ABCA1: variants seen among roughly 807,000 people sequenced by gnomAD.
The protein encoded by ABCA1 is phospholipid-transporting ATPase ABCA1.
ABCA1 carries 133 observed loss-of-function variants against 262.5 expected under a neutral mutation model. That is an observed-to-expected ratio of 0.51 (90% confidence interval 0.44 to 0.59). The LOEUF (loss-of-function observed/expected upper bound fraction) is 0.59. ABCA1 is among the 20% of genes least tolerant of loss of function. ABCA1 has a pLI of 0.00. For missense variants in ABCA1, 2,452 were observed against 2,777.5 expected, an observed-to-expected ratio of 0.88 and a Z score of 2.63; for synonymous variants, 1,022 against 1,043.5, an observed-to-expected ratio of 0.98 and a Z score of 0.40.
rs1052291731 is a variant in ABCA1, at chr9:104,788,586, C to G, written c.5928-19G>C. On this transcript the variant is annotated intron_variant, in intron 44 of 49. Transcript: ENST00000374736. ...TAAGATACTGCAAAGGACAAGAAAACTACTTAGATTTTAAGCAGGTAGAGA... is the reference window on the plus strand; with the variant it reads ...TAAGATACTGCAAAGGACAAGAAAAGTACTTAGATTTTAAGCAGGTAGAGA... The G allele has an allele frequency of 6.2e-7, 1 of 1,613,874 alleles. No individual in the cohort carries two copies. Among genetic ancestry groups the G allele is most frequent in the Non-Finnish European group, 8.5e-7 (1 of 1,179,956 alleles).
intron 1 of ABCA1, among the ~76,000 whole-genome samples, chr9:104,924,168 C>T (rs936112610): frequency 6.6e-6 from 1 of 152,144 alleles, no homozygotes; most frequent in Non-Finnish European, 1.5e-5. Context: ...CATGCAGATA[C>T]GAAGATGGTT....
chr9:104,815,767 C>G (rs3780540), intron 25 of ABCA1, among the ~76,000 whole-genome samples: 8,871 of 152,208 alleles, frequency 0.058, 388 homozygotes, highest in East Asian at 0.16. Context: ...TGAGCTGGGC[C>G]CAAGTTGCTG....
At chr9:104,861,601 G>A in intron 6 of ABCA1, 78 bp downstream of exon 6, 4 of 1,581,820 alleles carry the variant, frequency 2.5e-6, no homozygotes, top group East Asian at 2.2e-5. Context: ...AAGGACAAGG[G>A]TTTATTCATT....
intron 1 of ABCA1, among the ~76,000 whole-genome samples, chr9:104,921,083 T>A (rs1358901117): frequency 5.8e-5 from 2 of 34,290 alleles, no homozygotes; most frequent in East Asian, 6.7e-4. Flanking sequence ...ACTAATATTC[T>A]ATTTACTTAT....
At chr9:104,830,845 A>C in intron 14 of ABCA1, 80 bp downstream of exon 14, 2 of 1,485,650 alleles carry the variant, frequency 1.3e-6, no homozygotes, top group Non-Finnish European at 9.4e-7. Flanking sequence ...TCACACATGC[A>C]TGCACATGCA....
At chr9:104,847,693 T>C (rs960534771) in intron 7 of ABCA1, among the ~76,000 whole-genome samples, 1 of 152,204 alleles carries the variant, frequency 6.6e-6, no homozygotes, top group Non-Finnish European at 1.5e-5. Context: ...TGTCTCTAAT[T>C]GTATAATTAC....
At chr9:104,923,653 C>G (rs1168058336) in intron 1 of ABCA1, among the ~76,000 whole-genome samples, 1 of 152,226 alleles carries the variant, frequency 6.6e-6, no homozygotes, top group Non-Finnish European at 1.5e-5. Flanking sequence ...TTAGCTCTGC[C>G]TCTTGCAAGG....
intron 11 of ABCA1, among the ~76,000 whole-genome samples, chr9:104,833,865 C>T (rs1413631499): frequency 1.3e-5 from 2 of 152,162 alleles, no homozygotes; most frequent in East Asian, 1.9e-4. Context: ...CAGATCAATC[C>T]GCTGCTCAAT....
In ABCA1 at chr9:104,893,421, C is replaced by CAAAAAAAAAAAAAAAAAAAAAAAAAAAAA. The variant is rs34544647; in HGVS notation, c.67-4255_67-4227dup. Among the ~76,000 whole-genome samples, 7 of 35,264 alleles carry CAAAAAAAAAAAAAAAAAAAAAAAAAAAAA rather than the reference C, an allele frequency of 2.0e-4. 1 individual carries two copies. The highest frequency in any genetic ancestry group is 5.6e-4 in the African/African-American group (6 of 10,774). The allele number at this position is 35,264 out of a possible 152,430, so 23.1% of individuals were successfully genotyped here. A position where few individuals can be genotyped will look rare whatever the true frequency, so the allele number is the denominator to read the frequency against. ...TGGGCAACAGAGTGAGACTTCACCT[C>CAAAAAAAAAAAAAAAAAAAAAAAAAAAAA]AAAAAAAAAAAAAAAAAAAAAAAAA... is the stretch of plus-strand genomic sequence containing the variant. On this transcript the variant is annotated intron_variant, in intron 2 of 49. Coordinates refer to ENST00000374736, the MANE Select transcript of ABCA1 (RefSeq NM_005502.4).
At chr9:104,802,816 G>C (rs757341226) in intron 33 of ABCA1, among the ~76,000 whole-genome samples, 35 of 152,214 alleles carry the variant, frequency 2.3e-4, no homozygotes, top group Non-Finnish European at 4.1e-4. Context: ...ACAGTGCAAA[G>C]AGATGGTTTT....
intron 5 of ABCA1, among the ~76,000 whole-genome samples, chr9:104,879,435 G>A (rs1405541089): frequency 6.6e-6 from 1 of 152,206 alleles, no homozygotes; most frequent in African/African-American, 2.4e-5. Flanking sequence ...AGTTATCGAT[G>A]ACTGGAATGA....
chr9:104,889,406 A>G (rs1839510611), intron 2 of ABCA1: 1 of 982,116 alleles, frequency 1.0e-6, no homozygotes, highest in South Asian at 4.7e-5. Flanking sequence ...CCCTTAGGTA[A>G]GGGAAGATGC....
intron 11 of ABCA1, among the ~76,000 whole-genome samples, chr9:104,833,588 A>G (rs1398987020): frequency 6.6e-6 from 1 of 152,188 alleles, no homozygotes; most frequent in Non-Finnish European, 1.5e-5. Flanking sequence ...CCAGAATGAA[A>G]GCATAGGCCC....
chr9:104,887,099 A>G (rs13286991), intron 3 of ABCA1, among the ~76,000 whole-genome samples: 23,898 of 152,146 alleles, frequency 0.16, 2,301 homozygotes, highest in African/African-American at 0.27. Context: ...TCAACATGGC[A>G]AAACCCTGTC....
rs541162256 is a variant in ABCA1, at chr9:104,858,347, G to T, written c.720+175C>A. Among the ~76,000 whole-genome samples the T allele has an allele frequency of 2.0e-5, 3 of 152,194 alleles. No homozygotes were observed. In the South Asian group the frequency reaches 6.2e-4, roughly 32 times the overall value. On this transcript the variant is annotated intron_variant, in intron 7 of 49. Coordinates refer to ENST00000374736, the MANE Select transcript of ABCA1 (RefSeq NM_005502.4). The stretch of plus-strand genomic sequence containing the variant: ...CTTCCCATTCACCCTTTGGGAGATG[G>T]CCCAAAAGTCTGAAAGAACACTAAG...
At chr9:104,926,372 A>G (rs953101167) in intron 1 of ABCA1, among the ~76,000 whole-genome samples, 1 of 151,474 alleles carries the variant, frequency 6.6e-6, no homozygotes, top group Admixed American at 6.6e-5. Context: ...AGGCACCTAC[A>G]CATAACCCTG....
chr9:104,798,572 A>C lies in ABCA1; in HGVS notation c.4970T>G (p.Val1657Gly). 2 of 1,614,186 alleles carry C rather than the reference A, an allele frequency of 1.2e-6. No individual in the cohort carries two copies. The highest frequency in any genetic ancestry group is 1.7e-6 in the Non-Finnish European group (2 of 1,180,014). Residue 1657 changes from valine (V) to glycine (G), a missense_variant, in exon 37 of 50, where the codon GTG becomes GGG. Coordinates refer to ENST00000374736, the MANE Select transcript of ABCA1 (RefSeq NM_005502.4). ...ALMTTSVDVLVSICVIFAMSF... is the reference protein window; with the variant it reads ...ALMTTSVDVLGSICVIFAMSF... ...CATTGCAAAGATGACACAGATGGAC[A>C]CAAGGACATCCACTGATGTGGTCAT...
intron 1 of ABCA1, among the ~76,000 whole-genome samples, chr9:104,905,644 C>T (rs188812798): frequency 6.6e-6 from 1 of 152,212 alleles, no homozygotes; most frequent in South Asian, 2.1e-4. Flanking sequence ...GCACTGGCAA[C>T]CAGAGCAGCA....
chr9:104,788,624 A>G, intron 44 of ABCA1, 57 bp from the exon 45 acceptor site: 1 of 1,594,438 alleles, frequency 6.3e-7, no homozygotes, highest in South Asian at 1.1e-5. Context: ...CTCTGGTTAG[A>G]CAATCTGGCC....
Sources: allele counts gnomAD v4.1 joint callset (sites outside exome capture counted in the v4.1 genomes callset), GRCh38; gene constraint gnomAD v4.1.1; transcripts MANE v1.5; gene names NCBI Gene and HGNC (gene_info 2026-07-23, HGNC 2026-07-21).